KBTBD12: variants seen among roughly 807,000 people sequenced by gnomAD.
The protein encoded by KBTBD12 is kelch repeat and BTB domain-containing protein 12.
A neutral mutation model predicts 58.7 loss-of-function variants in KBTBD12; 53 were observed. The observed-to-expected ratio is 0.90, with a 90% CI of 0.72 to 1.14. The LOEUF (loss-of-function observed/expected upper bound fraction) is 1.14, where lower values mean the gene tolerates loss of function less well. KBTBD12 is among the 50% of genes most tolerant of loss of function. The pLI, the probability that KBTBD12 is intolerant of heterozygous loss-of-function variation, is 0.00. For synonymous variants in KBTBD12, 236 were observed against 259.8 expected (o/e 0.91, Z 0.88); for missense variants, 704 against 751.3 (o/e 0.94, Z 0.74).
rs915987284 is a variant in KBTBD12 at position 127,985,855 on chromosome 3, A to C, written c.*1577A>C. The C allele has an allele frequency of 1.3e-5, 2 of 152,364 alleles. No homozygotes were observed. Among genetic ancestry groups the C allele is most frequent in the African/African-American group, 4.8e-5 (2 of 41,452 alleles). The allele number at this position is 152,364 out of a possible 1,614,324, so 9.4% of individuals were successfully genotyped here. On this transcript the variant is annotated 3_prime_UTR_variant, in exon 6 of 6. Transcript: ENST00000405109. ...TGGCCGGCATGGGGCAGTGTTTCTC[A>C]ATCAGAGGGCCTGGGCCCCGAGCAC... is the stretch of plus-strand genomic sequence containing the variant.
rs762383534 is a variant in KBTBD12, at chr3:127,923,704, G to T, written c.643G>T (p.Glu215Ter). Residue 215 changes from glutamate to a stop codon, truncating the protein, a stop_gained, in exon 2 of 6, where the codon GAG (glutamate) becomes TAG (stop). Coordinates refer to ENST00000405109, the MANE Select transcript of KBTBD12 (RefSeq NM_207335.4). LOFTEE classifies it high-confidence loss of function. ...AGAATTGCGTACAGTGCATCTTGTT[G>T]AGCTTTTGAAGCAAGTCAGATTGGA... ...NKELRTVHLV[E>*]LLKQVRLELV... 6.2e-7 allele frequency: 1 copy of T among 1,613,772 alleles called. No homozygotes were observed. Among genetic ancestry groups the T allele is most frequent in the South Asian group, 1.1e-5 (1 of 91,072 alleles).
intron 4 of KBTBD12, among the ~76,000 whole-genome samples, chr3:127,938,400 C>G (rs944009790): frequency 1.3e-5 from 2 of 151,596 alleles, no homozygotes; most frequent in African/African-American, 2.4e-5. Context: ...AGTATGCATG[C>G]GAAATTTCTA....
At chr3:127,946,079 A>G (rs575736532) in intron 4 of KBTBD12, among the ~76,000 whole-genome samples, 39 of 152,220 alleles carry the variant, frequency 2.6e-4, no homozygotes, top group Non-Finnish European at 4.6e-4. Flanking sequence ...TTCTCAAACA[A>G]TATAAGAACC....
rs1481360339 is a variant in KBTBD12 at position 127,987,617 on chromosome 3, G to A, written c.*3339G>A. 2.6e-5 allele frequency: 4 copies of A among 152,246 alleles called. No homozygotes were observed. Among genetic ancestry groups the A allele is most frequent in the African/African-American group, 7.2e-5 (3 of 41,460 alleles). The allele number at this position is 152,246 out of a possible 1,614,324, so 9.4% of individuals were successfully genotyped here. On this transcript the variant is annotated 3_prime_UTR_variant, in exon 6 of 6. Transcript: ENST00000405109. Reference sequence around the variant, plus strand: ...GCATTGTTCTCCCTGACTTCATAATGAGCAAATGTTTCACATTTGAACTTA... The same window carrying A: ...GCATTGTTCTCCCTGACTTCATAATAAGCAAATGTTTCACATTTGAACTTA...
rs1303705192 is a variant in KBTBD12 at position 127,987,281 on chromosome 3, T to C, written c.*3003T>C. On this transcript the variant is annotated 3_prime_UTR_variant, in exon 6 of 6. Transcript: ENST00000405109. Reference sequence around the variant, plus strand: ...CTGGGTTAGTGCTTATTTTAAGTTCTTGGTGCTTCTTGTCTGACTTCTGTA... The same window carrying C: ...CTGGGTTAGTGCTTATTTTAAGTTCCTGGTGCTTCTTGTCTGACTTCTGTA... 3 of 152,258 alleles carry C rather than the reference T, an allele frequency of 2.0e-5. No individual in the cohort carries two copies. The highest frequency in any genetic ancestry group is 4.4e-5 in the Non-Finnish European group (3 of 68,048). The allele number at this position is 152,258 out of a possible 1,614,324, so 9.4% of individuals were successfully genotyped here.
intron 4 of KBTBD12, among the ~76,000 whole-genome samples, chr3:127,957,985 A>G (rs1215023921): frequency 6.6e-6 from 1 of 152,166 alleles, no homozygotes; most frequent in Non-Finnish European, 1.5e-5. Flanking sequence ...TTGAAAGAGG[A>G]GTAGGGGTTT....
chr3:127,976,777 G>A (rs1208645989), intron 5 of KBTBD12, among the ~76,000 whole-genome samples: 1 of 152,152 alleles, frequency 6.6e-6, no homozygotes, highest in Non-Finnish European at 1.5e-5. Flanking sequence ...TCATTTTTAT[G>A]TGTGTATGCT....
intron 4 of KBTBD12, among the ~76,000 whole-genome samples, chr3:127,945,824 A>G (rs1483000861): frequency 1.3e-5 from 2 of 151,858 alleles, no homozygotes; most frequent in Non-Finnish European, 2.9e-5. Flanking sequence ...GACTACAGGC[A>G]TGTGCCACCA....
At chr3:127,935,668 G>GA (rs989275739) in intron 4 of KBTBD12, among the ~76,000 whole-genome samples, 2 of 151,904 alleles carry the variant, frequency 1.3e-5, no homozygotes, top group Non-Finnish European at 2.9e-5. Flanking sequence ...AGGAGGAACA[G>GA]AAAAAAAGTT....
At chr3:127,963,968 C>T (rs942535491) in intron 5 of KBTBD12, among the ~76,000 whole-genome samples, 5 of 152,192 alleles carry the variant, frequency 3.3e-5, no homozygotes, top group South Asian at 4.1e-4. Flanking sequence ...AAAATAATAC[C>T]TAATGCATGT....
chr3:127,967,083 C>A (rs1559773476), intron 5 of KBTBD12, among the ~76,000 whole-genome samples: 1 of 152,130 alleles, frequency 6.6e-6, no homozygotes, highest in Non-Finnish European at 1.5e-5. Flanking sequence ...TCAGGACATG[C>A]TTCACCAAAA....
At chr3:127,939,454 A>G (rs1939901398) in intron 4 of KBTBD12, among the ~76,000 whole-genome samples, 1 of 152,192 alleles carries the variant, frequency 6.6e-6, no homozygotes, top group Non-Finnish European at 1.5e-5. Context: ...GGTGTAATCT[A>G]TGAGACATAT....
intron 4 of KBTBD12, among the ~76,000 whole-genome samples, chr3:127,958,019 C>T (rs1559770373): frequency 1.3e-5 from 2 of 152,124 alleles, no homozygotes; most frequent in African/African-American, 4.8e-5. Context: ...GGAGAAGAGG[C>T]CATTCTAGGC....
intron 4 of KBTBD12, 86 bp downstream of exon 4, chr3:127,930,369 C>A: frequency 8.5e-7 from 1 of 1,169,720 alleles, no homozygotes; most frequent in Non-Finnish European, 1.2e-6. Context: ...TTCTCCTTTG[C>A]ACTTGTATTC....
In KBTBD12 at chr3:127,923,044, A is replaced by G; in HGVS notation, c.-18A>G. 1 of 1,481,948 alleles carries G rather than the reference A, an allele frequency of 6.7e-7. No homozygotes were observed. The highest frequency in any genetic ancestry group is 9.3e-7 in the Non-Finnish European group (1 of 1,069,578). The allele number at this position is 1,481,948 out of a possible 1,614,324, so 91.8% of individuals were successfully genotyped here. A position where few individuals can be genotyped will look rare whatever the true frequency, so the allele number is the denominator to read the frequency against. On this transcript the variant is annotated 5_prime_UTR_variant, in exon 2 of 6. Coordinates refer to ENST00000405109, the MANE Select transcript of KBTBD12 (RefSeq NM_207335.4). ...TACACTTAAAGAAGACTTAGTTGGA[A>G]ACTTTGGAGAGTAGATCATGGAGTG...
At chr3:127,954,625 A>G (rs1296707408) in intron 4 of KBTBD12, among the ~76,000 whole-genome samples, 1 of 152,238 alleles carries the variant, frequency 6.6e-6, no homozygotes, top group Non-Finnish European at 1.5e-5. Flanking sequence ...TGCGTTCAAA[A>G]GTTGCTTCAG....
rs1939673835 is a variant in KBTBD12 at position 127,930,270 on chromosome 3, G to C, written c.1479G>C (p.Glu493Asp). 6.2e-7 allele frequency: 1 copy of C among 1,611,282 alleles called. No homozygotes were observed. The highest frequency in any genetic ancestry group is 1.3e-5 in the African/African-American group (1 of 74,836). ...TCAGTACAGCTGTAGTCAACAGTGA[G>C]ATTTATGTTTTGGGTAAGAAGAAGC... The part of the protein sequence containing the change: ...YRFSTAVVNS[E>D]IYVLGGIGCV... The change falls in exon 4 of 6, where the codon GAG becomes GAC. Residue 493 changes from glutamate to aspartate, a missense_variant. Physicochemically the swap from Glu to Asp is conservative, Grantham distance 45 (BLOSUM62 2). Transcript: ENST00000405109.
chr3:127,985,102 G>A lies in KBTBD12; in HGVS notation c.*824G>A, dbSNP rs1435629837. On this transcript the variant is annotated 3_prime_UTR_variant, in exon 6 of 6. Transcript: ENST00000405109. ...GTCCACTCCGGGGCTGGCAGGGAGT[G>A]TCCTGGAGTGGGCTGACCCAGGCTG... The A allele has an allele frequency of 2.0e-5, 3 of 152,400 alleles. No individual in the cohort carries two copies. Among genetic ancestry groups the A allele is most frequent in the Non-Finnish European group, 2.9e-5 (2 of 68,228 alleles). The allele number at this position is 152,400 out of a possible 1,614,324, so 9.4% of individuals were successfully genotyped here. A position where few individuals can be genotyped will look rare whatever the true frequency, so the allele number is the denominator to read the frequency against.
At chr3:127,951,688 A>G (rs1261233603) in intron 4 of KBTBD12, among the ~76,000 whole-genome samples, 2 of 152,180 alleles carry the variant, frequency 1.3e-5, no homozygotes, top group Non-Finnish European at 2.9e-5. Flanking sequence ...GCAGCAAGAC[A>G]GACCATCAGG....
Sources: allele counts gnomAD v4.1 joint callset (sites outside exome capture counted in the v4.1 genomes callset), GRCh38; gene constraint gnomAD v4.1.1; transcripts MANE v1.5; gene names NCBI Gene and HGNC (gene_info 2026-07-23, HGNC 2026-07-21).